RASAL2: variants seen among roughly 807,000 people sequenced by gnomAD.
The protein encoded by RASAL2 is ras GTPase-activating protein nGAP.
In RASAL2, 58 loss-of-function variants were observed where a neutral mutation model predicts 128.9. The ratio of observed to expected loss-of-function variants is 0.45; its 90% CI spans 0.36 to 0.56. The LOEUF is 0.56. Ranked by LOEUF, RASAL2 falls within the 20% of genes least tolerant of loss-of-function variation. The probability of loss-of-function intolerance (pLI) is 0.00; values close to 1 mark genes in which losing one functional copy is unlikely to be tolerated. For missense variants in RASAL2, 1,360 were observed against 1,601.6 expected, an observed-to-expected ratio of 0.85 and a Z score of 2.57; for synonymous variants, 561 against 580.8, an observed-to-expected ratio of 0.97 and a Z score of 0.49.
chr1:178,408,915 A>G (rs1221429896), intron 4 of RASAL2, among the ~76,000 whole-genome samples: 2 of 152,082 alleles, frequency 1.3e-5, no homozygotes, highest in African/African-American at 4.8e-5. Flanking sequence ...TATCTTCTGT[A>G]TTAGTCTGTT....
At position 178,475,494 on chromosome 1, in the gene RASAL2, C is replaced by T. The variant is rs747305327; in HGVS notation, c.*2255C>T. 10 of 152,160 alleles carry T rather than the reference C, an allele frequency of 6.6e-5. No homozygotes were observed. Among genetic ancestry groups the T allele is most frequent in the South Asian group, 2.1e-4 (1 of 4,810 alleles). The allele number at this position is 152,160 out of a possible 1,614,324, so 9.4% of individuals were successfully genotyped here. ...TTAATTCATTCTTTGTAAAAGCCTT[C>T]AATTGTGCCACAGAAAACCTGGTAA... On this transcript the variant is annotated 3_prime_UTR_variant, in exon 18 of 18. Coordinates refer to ENST00000367649, the MANE Select transcript of RASAL2 (RefSeq NM_170692.4).
chr1:178,104,898 C>CT (rs773857939), intron 1 of RASAL2, among the ~76,000 whole-genome samples: 15 of 152,130 alleles, frequency 9.9e-5, no homozygotes, highest in Non-Finnish European at 2.2e-4. Context: ...TGACCGTGAC[C>CT]TTACTTGTAT....
chr1:178,273,811 A>G (rs1438935198), intron 1 of RASAL2, among the ~76,000 whole-genome samples: 2 of 152,162 alleles, frequency 1.3e-5, no homozygotes, highest in African/African-American at 4.8e-5. Flanking sequence ...ACTGCTTTAT[A>G]GCCTTGTATT....
intron 5 of RASAL2, among the ~76,000 whole-genome samples, chr1:178,426,670 G>C (rs542112634): frequency 4.6e-5 from 7 of 152,068 alleles, no homozygotes; most frequent in Non-Finnish European, 7.4e-5. Flanking sequence ...TGTTGGGGGT[G>C]GGGGGATGAC....
intron 10 of RASAL2, 83 bp downstream of exon 10, chr1:178,451,798 A>G (rs112329641): frequency 3.4e-6 from 5 of 1,464,668 alleles, no homozygotes; most frequent in African/African-American, 2.8e-5. Context: ...TGTAAAAGTC[A>G]TCACAATGTT....
chr1:178,340,636 A>G (rs1398978210), intron 3 of RASAL2, among the ~76,000 whole-genome samples: 1 of 152,210 alleles, frequency 6.6e-6, no homozygotes, highest in Non-Finnish European at 1.5e-5. Flanking sequence ...TAATCTCAAC[A>G]GGAAATCTCT....
chr1:178,100,565 A>G (rs910295701), intron 1 of RASAL2, among the ~76,000 whole-genome samples: 1 of 151,970 alleles, frequency 6.6e-6, no homozygotes, highest in Admixed American at 6.6e-5. Flanking sequence ...TGTGTTTCCT[A>G]CTATAGTGAG....
At chr1:178,229,238 G>A (rs1387029205) in intron 1 of RASAL2, among the ~76,000 whole-genome samples, 2 of 152,082 alleles carry the variant, frequency 1.3e-5, no homozygotes, top group Non-Finnish European at 2.9e-5. Flanking sequence ...TTATTAAAAT[G>A]AAAATTTTAA....
chr1:178,285,009 C>T (rs1666951998), intron 2 of RASAL2, among the ~76,000 whole-genome samples: 1 of 151,976 alleles, frequency 6.6e-6, no homozygotes, highest in Non-Finnish European at 1.5e-5. Flanking sequence ...TCTTACCTAT[C>T]CCTTCTCTTT....
At chr1:178,187,273 C>G (rs928409659) in intron 1 of RASAL2, among the ~76,000 whole-genome samples, 2 of 152,040 alleles carry the variant, frequency 1.3e-5, no homozygotes, top group Non-Finnish European at 2.9e-5. Flanking sequence ...ATTGCCATAT[C>G]TTATTGTTCA....
intron 1 of RASAL2, among the ~76,000 whole-genome samples, chr1:178,141,193 CTT>C (rs71297900): frequency 6.8e-5 from 5 of 73,950 alleles, no homozygotes; most frequent in Admixed American, 2.1e-4. Flanking sequence ...CTTTTCTTTT[CTT>C]TTTTTTTTTT....
rs199655834 is a variant in RASAL2, at chr1:178,317,780, G to T, written c.457+17662G>T. On this transcript the variant is annotated intron_variant, in intron 3 of 17. Coordinates refer to ENST00000367649, the MANE Select transcript of RASAL2 (RefSeq NM_170692.4). ...ATTGATTTTTTGAAGGGTTTTTTGT[G>T]TCTCTATTTCCTTCAGTTCTGCTCT... Among the ~76,000 whole-genome samples, 288 of 149,950 alleles carry T rather than the reference G, an allele frequency of 1.9e-3. 6 individuals carry two copies. The East Asian group carries it at 0.049, about 25-fold the overall frequency.
chr1:178,138,477 C>T (rs1660409143), intron 1 of RASAL2, among the ~76,000 whole-genome samples: 1 of 152,120 alleles, frequency 6.6e-6, no homozygotes, highest in African/African-American at 2.4e-5. Flanking sequence ...GCATCATAGA[C>T]AGCACTGTGT....
At chr1:178,415,124 C>CTT (rs200786626) in intron 4 of RASAL2, among the ~76,000 whole-genome samples, 1 of 151,746 alleles carries the variant, frequency 6.6e-6, no homozygotes, top group African/African-American at 2.4e-5. Flanking sequence ...TTAATTTGCT[C>CTT]TTTTTTTTCT....
intron 3 of RASAL2, among the ~76,000 whole-genome samples, chr1:178,371,198 T>TA (rs1035220679): frequency 4.0e-5 from 6 of 151,682 alleles, no homozygotes; most frequent in East Asian, 3.9e-4. Context: ...GTAAACGATG[T>TA]AAAAAATTCA....
At chr1:178,333,306 C>T (rs975891213) in intron 3 of RASAL2, among the ~76,000 whole-genome samples, 5 of 152,196 alleles carry the variant, frequency 3.3e-5, no homozygotes, top group Admixed American at 2.6e-4. Context: ...GGATTACAGG[C>T]GTAAGCCACC....
intron 2 of RASAL2, among the ~76,000 whole-genome samples, chr1:178,290,721 GC>G (rs1177930783): frequency 1.3e-5 from 2 of 151,862 alleles, no homozygotes; most frequent in Non-Finnish European, 2.9e-5. Flanking sequence ...TGTCACCCAG[GC>G]TGAAGTGCGG....
intron 1 of RASAL2, among the ~76,000 whole-genome samples, chr1:178,134,898 G>A (rs755665259): frequency 1.9e-4 from 29 of 152,160 alleles, no homozygotes; most frequent in African/African-American, 4.6e-4. Flanking sequence ...TTTGGGATAC[G>A]CAAGGCATTT....
intron 3 of RASAL2, among the ~76,000 whole-genome samples, chr1:178,356,928 A>G (rs1210888799): frequency 6.6e-6 from 1 of 152,172 alleles, no homozygotes; most frequent in Non-Finnish European, 1.5e-5. Flanking sequence ...TTATCCTTAA[A>G]GGCTGCATCT....
Sources: gnomAD v4.1 joint callset for allele counts (sites outside exome capture counted in the v4.1 genomes callset) on GRCh38, gnomAD v4.1.1 for gene constraint, MANE v1.5 for transcripts, NCBI Gene and HGNC (gene_info 2026-07-23, HGNC 2026-07-21) for gene names.